GRID2: variants seen among roughly 807,000 people sequenced by gnomAD.
GRID2 encodes the protein glutamate ionotropic receptor delta type subunit 2, also known as glutamate receptor ionotropic, delta-2.
In GRID2, 33 loss-of-function variants were observed where a neutral mutation model predicts 114.8. That is an observed-to-expected ratio of 0.29 (90% CI 0.22 to 0.38). The LOEUF (loss-of-function observed/expected upper bound fraction) is 0.38. GRID2 is among the 10% of genes least tolerant of loss of function. The pLI is 1.00. For synonymous variants in GRID2, 505 were observed against 449.9 expected, an observed-to-expected ratio of 1.12 and a Z score of -1.55; for missense variants, 1,184 against 1,257.7, an observed-to-expected ratio of 0.94 and a Z score of 0.89.
chr4:92,663,980 T>C (rs1240070014), intron 2 of GRID2, among the ~76,000 whole-genome samples: 1 of 151,168 alleles, frequency 6.6e-6, no homozygotes, highest in Non-Finnish European at 1.5e-5. Context: ...ATATTTCCTC[T>C]ATTTAAGATG....
chr4:93,710,340 T>G (rs537181742), intron 14 of GRID2, among the ~76,000 whole-genome samples: 1 of 152,380 alleles, frequency 6.6e-6, no homozygotes, highest in East Asian at 1.9e-4. Flanking sequence ...TTAGAGGTAC[T>G]GCCCTGGTGG....
intron 2 of GRID2, among the ~76,000 whole-genome samples, chr4:92,681,410 G>GT (rs1211118806): frequency 6.6e-6 from 1 of 152,076 alleles, no homozygotes. Flanking sequence ...GTGGTGTTTG[G>GT]TTTTTTGTCC....
At chr4:93,716,617 A>G (rs1390947208) in intron 14 of GRID2, among the ~76,000 whole-genome samples, 1 of 151,846 alleles carries the variant, frequency 6.6e-6, no homozygotes, top group African/African-American at 2.4e-5. Flanking sequence ...TGTAAGTATA[A>G]ATATATTTAA....
At chr4:92,524,693 T>G (rs953725883) in intron 1 of GRID2, among the ~76,000 whole-genome samples, 1 of 151,900 alleles carries the variant, frequency 6.6e-6, no homozygotes, top group African/African-American at 2.4e-5. Flanking sequence ...ACCTAACATA[T>G]TCACAGTGGG....
In GRID2 at chr4:93,275,852, TAA is replaced by T. The variant is rs1287023005; in HGVS notation, c.1245+37364_1245+37365del. Reference sequence around the variant, plus strand: ...TTTTAGGTTGTAAATCTTCTTTATATAAATTGGATATAAATCCTTTATCAGAT... The same window carrying T: ...TTTTAGGTTGTAAATCTTCTTTATATATTGGATATAAATCCTTTATCAGAT... On this transcript the variant is annotated intron_variant, in intron 8 of 15. Coordinates refer to ENST00000282020, the MANE Select transcript of GRID2 (RefSeq NM_001510.4). Among the ~76,000 whole-genome samples, 4 of 151,936 alleles carry T rather than the reference TAA, an allele frequency of 2.6e-5. No homozygotes were observed. The East Asian group carries it at 7.7e-4, about 29-fold the overall frequency.
chr4:92,571,160 A>G (rs1363495839), intron 1 of GRID2, among the ~76,000 whole-genome samples: 1 of 152,044 alleles, frequency 6.6e-6, no homozygotes, highest in Admixed American at 6.6e-5. Flanking sequence ...ATATGAAGGG[A>G]TGTTGAATTT....
chr4:93,621,234 A>G (rs1294128818), intron 13 of GRID2, among the ~76,000 whole-genome samples: 2 of 152,178 alleles, frequency 1.3e-5, no homozygotes, highest in African/African-American at 4.8e-5. Flanking sequence ...GAGTCTATTG[A>G]TATCTCAGGC....
intron 13 of GRID2, among the ~76,000 whole-genome samples, chr4:93,538,768 G>A (rs903785436): frequency 6.6e-6 from 1 of 151,602 alleles, no homozygotes; most frequent in Non-Finnish European, 1.5e-5. Flanking sequence ...CCTCAACACT[G>A]TCAAGGTTAT....
rs3970984 is a variant in GRID2, at chr4:93,136,232, TTGTGTGTGTGTG to T, written c.735+25315_735+25326del. Among the ~76,000 whole-genome samples, 377 of 142,352 alleles carry T rather than the reference TTGTGTGTGTGTG, an allele frequency of 2.6e-3. 4 individuals are homozygous for T. The highest frequency in any genetic ancestry group is 0.023 in the East Asian group (109 of 4,800). The allele number at this position is 142,352 out of a possible 152,430, so 93.4% of individuals were successfully genotyped here. ...CCTGTGTTAAAAATTCCAACAGTTA[TTGTGTGTGTGTG>T]TGTGTGTGTGTGTGTGTGTGTGTGT... On this transcript the variant is annotated intron_variant, in intron 4 of 15. Coordinates refer to ENST00000282020, the MANE Select transcript of GRID2 (RefSeq NM_001510.4).
chr4:92,584,719 C>CACATATGCAACAGT (rs1560472877), intron 1 of GRID2, among the ~76,000 whole-genome samples: 1 of 151,644 alleles, frequency 6.6e-6, no homozygotes, highest in African/African-American at 2.4e-5. Context: ...TATATGCACA[C>CACATATGCAACAGT]ACATATATGT....
At chr4:92,718,928 A>C (rs778470685) in intron 2 of GRID2, among the ~76,000 whole-genome samples, 138 of 152,108 alleles carry the variant, frequency 9.1e-4, no homozygotes, top group Non-Finnish European at 1.7e-3. Context: ...TTACTTTTTT[A>C]AATCTCTTTC....
chr4:92,413,129 T>G (rs980377799), intron 1 of GRID2, among the ~76,000 whole-genome samples: 1 of 152,196 alleles, frequency 6.6e-6, no homozygotes, highest in Non-Finnish European at 1.5e-5. Context: ...GTCTGGGCTT[T>G]CAGTGTAACC....
intron 2 of GRID2, among the ~76,000 whole-genome samples, chr4:92,614,626 G>A (rs1729913966): frequency 6.6e-6 from 1 of 151,570 alleles, no homozygotes. Context: ...CTATAGTCCA[G>A]TGTATTCTAT....
chr4:93,677,517 T>C (rs1307742515), intron 14 of GRID2, among the ~76,000 whole-genome samples: 1 of 152,086 alleles, frequency 6.6e-6, no homozygotes, highest in South Asian at 2.1e-4. Context: ...GCAGCCTAAC[T>C]GGGAGGCACC....
chr4:92,557,666 A>T (rs1368059191), intron 1 of GRID2, among the ~76,000 whole-genome samples: 1 of 118,626 alleles, frequency 8.4e-6, no homozygotes, highest in African/African-American at 2.8e-5. Flanking sequence ...TATATAACCA[A>T]ACTGTCGATT....
intron 2 of GRID2, among the ~76,000 whole-genome samples, chr4:92,790,666 A>G (rs1321401746): frequency 6.7e-6 from 1 of 149,720 alleles, no homozygotes; most frequent in African/African-American, 2.5e-5. Flanking sequence ...GATTCTCCCA[A>G]CTCAGCCTCT....
At chr4:92,502,863 G>A (rs559386114) in intron 1 of GRID2, among the ~76,000 whole-genome samples, 11 of 151,824 alleles carry the variant, frequency 7.2e-5, no homozygotes, top group Admixed American at 1.3e-4. Context: ...GATTATAGGC[G>A]CCTGCCACCA....
At chr4:92,996,919 C>T (rs1755237839) in intron 2 of GRID2, among the ~76,000 whole-genome samples, 1 of 152,226 alleles carries the variant, frequency 6.6e-6, no homozygotes, top group Admixed American at 6.5e-5. Context: ...GCAGCCTGTC[C>T]TATCCAGAGG....
At chr4:93,674,144 T>TTA (rs1490218210) in intron 14 of GRID2, among the ~76,000 whole-genome samples, 1 of 152,190 alleles carries the variant, frequency 6.6e-6, no homozygotes, top group Non-Finnish European at 1.5e-5. Context: ...CTGCTAGGTG[T>TTA]TATACTCTGA....
Sources: allele counts gnomAD v4.1 joint callset (sites outside exome capture counted in the v4.1 genomes callset), GRCh38; gene constraint gnomAD v4.1.1; transcripts MANE v1.5; gene names NCBI Gene and HGNC (gene_info 2026-07-23, HGNC 2026-07-21).